Variants in WDR72 observed in about 807,000 individuals in gnomAD.
WDR72 encodes WD repeat-containing protein 72.
Under a neutral mutation model 124.2 loss-of-function variants are expected in WDR72, and 120 were observed. The ratio of observed to expected loss-of-function variants is 0.97; its 90% CI spans 0.83 to 1.12. The LOEUF (loss-of-function observed/expected upper bound fraction) is 1.12, where lower values mean the gene tolerates loss of function less well. Among genes scored for constraint, WDR72 ranks in the 50% most tolerant of loss-of-function variants. The pLI is 0.00. For synonymous variants in WDR72, 452 were observed against 441.7 expected, an observed-to-expected ratio of 1.02 and a Z score of -0.29; for missense variants, 1,387 against 1,278.8, an observed-to-expected ratio of 1.08 and a Z score of -1.29.
At chr15:53,541,562 T>C (rs1374291631) in intron 18 of WDR72, among the ~76,000 whole-genome samples, 2 of 151,734 alleles carry the variant, frequency 1.3e-5, no homozygotes, top group Non-Finnish European at 2.9e-5. Flanking sequence ...ACAGAAAAAC[T>C]GGATACTCTA....
At chr15:53,738,636 G>A (rs559001601) in intron 1 of WDR72, among the ~76,000 whole-genome samples, 9 of 151,942 alleles carry the variant, frequency 5.9e-5, no homozygotes, top group East Asian at 1.9e-4. Flanking sequence ...CGTTCTTGTC[G>A]CCCATGCTGA....
At chr15:53,599,954 A>G (rs2012968225) in intron 17 of WDR72, among the ~76,000 whole-genome samples, 1 of 152,202 alleles carries the variant, frequency 6.6e-6, no homozygotes, top group African/African-American at 2.4e-5. Flanking sequence ...AAATAACTAT[A>G]GAATAAAATA....
In WDR72 at chr15:53,516,345, G is replaced by A. The variant is rs1792025659; in HGVS notation, c.*1354C>T. 5 of 152,020 alleles carry A rather than the reference G, an allele frequency of 3.3e-5. No individual in the cohort carries two copies. Among genetic ancestry groups the A allele is most frequent in the African/African-American group, 7.2e-5 (3 of 41,408 alleles). The allele number at this position is 152,020 out of a possible 1,614,324, so 9.4% of individuals were successfully genotyped here. A position where few individuals can be genotyped will look rare whatever the true frequency, so the allele number is the denominator to read the frequency against. ...TAAGTTCCTTAAGGGTGCAGCCCAC[G>A]TCATTTCAATTACACAGTTCTCTTT... On this transcript the variant is annotated 3_prime_UTR_variant, in exon 20 of 20. Coordinates refer to ENST00000360509, the MANE Select transcript of WDR72 (RefSeq NM_182758.4).
intron 13 of WDR72, among the ~76,000 whole-genome samples, chr15:53,690,544 T>C (rs1041814903): frequency 6.6e-6 from 1 of 152,208 alleles, no homozygotes; most frequent in African/African-American, 2.4e-5. Context: ...AATATGTGCA[T>C]TTTTGTGTAT....
intron 18 of WDR72, among the ~76,000 whole-genome samples, chr15:53,565,231 T>G (rs574346719): frequency 4.0e-5 from 6 of 151,892 alleles, no homozygotes; most frequent in Non-Finnish European, 8.8e-5. Context: ...TTTAGAAAGT[T>G]TAAGAGGCAA....
At chr15:53,653,264 G>T (rs190604415) in intron 14 of WDR72, among the ~76,000 whole-genome samples, 33 of 152,250 alleles carry the variant, frequency 2.2e-4, no homozygotes, top group African/African-American at 7.7e-4. Context: ...AGATATGCCA[G>T]GTGATGAGAA....
At chr15:53,558,136 T>G (rs1893997343) in intron 18 of WDR72, among the ~76,000 whole-genome samples, 1 of 152,042 alleles carries the variant, frequency 6.6e-6, no homozygotes, top group Non-Finnish European at 1.5e-5. Flanking sequence ...CTACTATAAA[T>G]GTGTCCTAGA....
Position 53,650,644 on chromosome 15 carries a change from A to C in WDR72, c.1962+14928T>G, listed in dbSNP as rs75942155. On this transcript the variant is annotated intron_variant, in intron 14 of 19. Transcript: ENST00000360509. ...ATGGCAAAATCTTATTCATCCATCA[A>C]GATTTAGTCCTAATATGACTTCCTG... Among the ~76,000 whole-genome samples, 7 of 152,248 alleles carry C rather than the reference A, an allele frequency of 4.6e-5. No individual in the cohort carries two copies. The East Asian group carries it at 9.7e-4, about 21-fold the overall frequency.
rs544128614 is a variant in WDR72 at position 53,569,993 on chromosome 15, T to C, written c.3148+27086A>G. 3.9e-5 allele frequency among the ~76,000 whole-genome samples: 6 copies of C among 152,210 alleles called. No individual in the cohort carries two copies. In the South Asian group the frequency reaches 1.2e-3, roughly 32 times the overall value. On this transcript the variant is annotated intron_variant, in intron 18 of 19. Coordinates refer to ENST00000360509, the MANE Select transcript of WDR72 (RefSeq NM_182758.4). ...GTGAGGTCATAGTCCATTAAATGCA[T>C]TCCCTTTTGTCCACATCCTTACCAA...
At chr15:53,570,462 A>G (rs964993063) in intron 18 of WDR72, among the ~76,000 whole-genome samples, 2 of 152,136 alleles carry the variant, frequency 1.3e-5, no homozygotes, top group Non-Finnish European at 2.9e-5. Flanking sequence ...GAAGACATAC[A>G]GGTGGCCAAT....
intron 1 of WDR72, among the ~76,000 whole-genome samples, chr15:53,745,062 T>A (rs1490703966): frequency 6.6e-6 from 1 of 150,852 alleles, no homozygotes; most frequent in Admixed American, 6.6e-5. Flanking sequence ...AAGAAAATAT[T>A]AATAGAATGA....
At chr15:53,684,832 C>G (rs1433126572) in intron 13 of WDR72, among the ~76,000 whole-genome samples, 1 of 152,194 alleles carries the variant, frequency 6.6e-6, no homozygotes, top group African/African-American at 2.4e-5. Context: ...TTGAAGAGAG[C>G]AGTGATTCTC....
intron 18 of WDR72, among the ~76,000 whole-genome samples, chr15:53,552,792 G>T (rs1893789198): frequency 6.6e-6 from 1 of 152,112 alleles, no homozygotes; most frequent in African/African-American, 2.4e-5. Flanking sequence ...TTCTCATCCA[G>T]AAGCAAATAT....
chr15:53,598,463 G>A lies in WDR72; in HGVS notation c.2953-1189C>T, dbSNP rs576433093. 2.6e-3 allele frequency among the ~76,000 whole-genome samples: 395 copies of A among 152,002 alleles called. 6 individuals are homozygous for A. The highest frequency in any genetic ancestry group is 8.9e-3 in the African/African-American group (369 of 41,478). On this transcript the variant is annotated intron_variant, in intron 17 of 19. Transcript: ENST00000360509. ...GAGATGCTTTGGCCAAAAACTGAAC[G>A]TGTATTTATGTAAACAAATTACATT...
At chr15:53,729,652 C>T in intron 2 of WDR72, among the ~76,000 whole-genome samples, 1 of 152,142 alleles carries the variant, frequency 6.6e-6, no homozygotes, top group African/African-American at 2.4e-5. Context: ...TCATGTCTTT[C>T]ACACACACTT....
rs555338153 is a variant in WDR72 at position 53,514,548 on chromosome 15, T to A, written c.*3151A>T. 2.8e-4 allele frequency: 42 copies of A among 152,160 alleles called. No individual in the cohort carries two copies. The highest frequency in any genetic ancestry group is 1.0e-3 in the African/African-American group (42 of 41,542). 9.4% of individuals were successfully genotyped at this position (152,160 alleles called of 1,614,324 possible). A position where few individuals can be genotyped will look rare whatever the true frequency, so the allele number is the denominator to read the frequency against. On this transcript the variant is annotated 3_prime_UTR_variant, in exon 20 of 20. Coordinates refer to ENST00000360509, the MANE Select transcript of WDR72 (RefSeq NM_182758.4). Reference sequence around the variant, plus strand: ...TGGAAAAAATGTATGAGAAAAGAAATAAAAGTCACCAAATGCTATCATCTA... The same window carrying A: ...TGGAAAAAATGTATGAGAAAAGAAAAAAAAGTCACCAAATGCTATCATCTA...
At chr15:53,520,322 T>C (rs1487595275) in intron 19 of WDR72, among the ~76,000 whole-genome samples, 1 of 152,106 alleles carries the variant, frequency 6.6e-6, no homozygotes, top group Non-Finnish European at 1.5e-5. Flanking sequence ...CATTTAGCAT[T>C]GCATAGATAA....
rs189761313 is a variant in WDR72 at position 53,516,417 on chromosome 15, A to G, written c.*1282T>C. The G allele has an allele frequency of 6.6e-6, 1 of 152,262 alleles. No homozygotes were observed. Among genetic ancestry groups the G allele is most frequent in the African/African-American group, 2.4e-5 (1 of 41,582 alleles). 9.4% of individuals were successfully genotyped at this position (152,262 alleles called of 1,614,324 possible). On this transcript the variant is annotated 3_prime_UTR_variant, in exon 20 of 20. Coordinates refer to ENST00000360509, the MANE Select transcript of WDR72 (RefSeq NM_182758.4). The stretch of plus-strand genomic sequence containing the variant: ...CTACTGCATCCCAGCATAAGACCTG[A>G]GGCTGGTCCCATGCTCAAAAATGTT...
chr15:53,649,642 CA>C (rs1454235839), intron 14 of WDR72, among the ~76,000 whole-genome samples: 2 of 152,006 alleles, frequency 1.3e-5, no homozygotes, highest in East Asian at 3.9e-4. Context: ...GACATTTCTC[CA>C]AAAAAGATAT....
Sources: allele counts gnomAD v4.1 joint callset (sites outside exome capture counted in the v4.1 genomes callset), GRCh38; gene constraint gnomAD v4.1.1; transcripts MANE v1.5; gene names NCBI Gene and HGNC (gene_info 2026-07-23, HGNC 2026-07-21).